The following SAE1 variants were observed in gnomAD, a reference collection of about 807,000 sequenced individuals.
SAE1 encodes SUMO1 activating enzyme subunit 1.
SAE1 carries 11 observed loss-of-function variants against 40.6 expected under a neutral mutation model. The ratio of observed to expected loss-of-function variants is 0.27; its 90% confidence interval spans 0.17 to 0.45. SAE1 has a LOEUF of 0.45. SAE1 is among the 20% of genes least tolerant of loss of function. The probability of loss-of-function intolerance (pLI) is 1.00; values close to 1 mark genes in which losing one functional copy is unlikely to be tolerated. For missense variants in SAE1, 373 were observed against 427.3 expected (o/e 0.87, Z 1.12); for synonymous variants, 155 against 154.3 (o/e 1.00, Z -0.03).
intron 8 of SAE1, among the ~76,000 whole-genome samples, chr19:47,204,751 C>T (rs2058677270): frequency 6.6e-6 from 1 of 152,056 alleles, no homozygotes; most frequent in Non-Finnish European, 1.5e-5. Context: ...CCACCTCAGC[C>T]TCCCAAAGTG....
intron 6 of SAE1, among the ~76,000 whole-genome samples, chr19:47,173,154 A>G (rs573768587): frequency 1.3e-4 from 20 of 152,126 alleles, no homozygotes; most frequent in African/African-American, 4.3e-4. Flanking sequence ...ACGCACCACC[A>G]CACCCAGCTA....
At chr19:47,149,860 G>A (rs465547) in intron 2 of SAE1, among the ~76,000 whole-genome samples, 2 of 151,816 alleles carry the variant, frequency 1.3e-5, no homozygotes, top group East Asian at 3.9e-4. Context: ...GGCGGATCAC[G>A]AGGTCAAGAG....
chr19:47,148,678 G>A (rs1003105201), intron 2 of SAE1, among the ~76,000 whole-genome samples: 3 of 149,942 alleles, frequency 2.0e-5, no homozygotes, highest in South Asian at 4.2e-4. Flanking sequence ...GCAGTGGCAC[G>A]ACCTGGGCTC....
intron 5 of SAE1, among the ~76,000 whole-genome samples, chr19:47,168,589 C>T (rs1282650813): frequency 6.6e-6 from 1 of 152,076 alleles, no homozygotes; most frequent in East Asian, 1.9e-4. Context: ...CCACCACACT[C>T]AGCCATAAAT....
intron 5 of SAE1, among the ~76,000 whole-genome samples, chr19:47,167,384 T>G (rs371526649): frequency 6.6e-6 from 1 of 151,458 alleles, no homozygotes; most frequent in Non-Finnish European, 1.5e-5. Flanking sequence ...GGACTGCAGG[T>G]GCCTGCCACC....
intron 5 of SAE1, among the ~76,000 whole-genome samples, chr19:47,156,471 CTG>C (rs1454058508): frequency 7.4e-6 from 1 of 134,950 alleles, no homozygotes; most frequent in Non-Finnish European, 1.8e-5. Flanking sequence ...GAACGAGACT[CTG>C]TCTCCAAAAA....
chr19:47,152,316 C>T (rs1030365501), intron 3 of SAE1, among the ~76,000 whole-genome samples: 1 of 152,208 alleles, frequency 6.6e-6, no homozygotes, highest in African/African-American at 2.4e-5. Context: ...TTGTCTAAGC[C>T]TGAATGGAAG....
rs191119876 is a variant in SAE1 at position 47,192,833 on chromosome 19, C to T, written c.734-4400C>T. Reference sequence around the variant, plus strand: ...GGGGTTACAGGTGTGAGCCACTGCACCTGGCCTCCTTTATTTTATGGGACA... The same window carrying T: ...GGGGTTACAGGTGTGAGCCACTGCATCTGGCCTCCTTTATTTTATGGGACA... On this transcript the variant is annotated intron_variant, in intron 6 of 8. Coordinates refer to ENST00000270225, the MANE Select transcript of SAE1 (RefSeq NM_005500.3). 4.7e-3 allele frequency among the ~76,000 whole-genome samples: 720 copies of T among 152,246 alleles called. 4 individuals carry two copies. The highest frequency in any genetic ancestry group is 8.1e-3 in the Non-Finnish European group (553 of 68,022).
At chr19:47,154,480 C>CCTTT (rs2058307612) in intron 4 of SAE1, among the ~76,000 whole-genome samples, 2 of 51,576 alleles carry the variant, frequency 3.9e-5, no homozygotes, top group African/African-American at 1.7e-4. Context: ...TTAAGTTTGG[C>CCTTT]TTTTTTTTTT....
chr19:47,137,026 GAC>G (rs1469351565), intron 1 of SAE1, among the ~76,000 whole-genome samples: 2 of 152,132 alleles, frequency 1.3e-5, no homozygotes, highest in African/African-American at 2.4e-5. Context: ...CATTTTATAA[GAC>G]AGTTATCCTA....
chr19:47,157,224 A>C (rs544020394), intron 5 of SAE1, among the ~76,000 whole-genome samples: 2 of 152,190 alleles, frequency 1.3e-5, no homozygotes, highest in East Asian at 3.8e-4. Flanking sequence ...TTTAGTGTCT[A>C]TTCACAGAAC....
intron 6 of SAE1, among the ~76,000 whole-genome samples, chr19:47,191,894 A>C (rs2058580493): frequency 6.6e-6 from 1 of 151,912 alleles, no homozygotes; most frequent in African/African-American, 2.4e-5. Context: ...TCTATACTAA[A>C]AATACAAAAA....
chr19:47,177,811 G>A (rs998273558), intron 6 of SAE1, among the ~76,000 whole-genome samples: 5 of 152,096 alleles, frequency 3.3e-5, no homozygotes, highest in African/African-American at 9.7e-5. Flanking sequence ...TGTATTTCTC[G>A]GAACAGGTAT....
chr19:47,145,645 A>G (rs983444742), intron 2 of SAE1, among the ~76,000 whole-genome samples: 10 of 151,962 alleles, frequency 6.6e-5, no homozygotes, highest in Admixed American at 6.6e-4. Context: ...CAGTGACACA[A>G]CCTCAGCTCA....
At chr19:47,136,911 A>T (rs2058183936) in intron 1 of SAE1, among the ~76,000 whole-genome samples, 1 of 152,096 alleles carries the variant, frequency 6.6e-6, no homozygotes, top group East Asian at 1.9e-4. Flanking sequence ...TCTAGGTGGG[A>T]TAGGAGGGTT....
Position 47,139,681 on chromosome 19 carries a change from C to T in SAE1, c.99-3813C>T, listed in dbSNP as rs374091224. 2.5e-4 allele frequency among the ~76,000 whole-genome samples: 38 copies of T among 149,398 alleles called. No homozygotes were observed. The South Asian group carries it at 5.9e-3, about 23-fold the overall frequency. On this transcript the variant is annotated intron_variant, in intron 1 of 8. Transcript: ENST00000270225. ...TCGGCTCACTGCAAGCTACACCTTC[C>T]GGGTTCACACCATTCTCCTGTCTCA...
chr19:47,204,770 A>G (rs1239368226), intron 8 of SAE1, among the ~76,000 whole-genome samples: 1 of 152,056 alleles, frequency 6.6e-6, no homozygotes, highest in Non-Finnish European at 1.5e-5. Flanking sequence ...TGCTGGGATT[A>G]TAGGTGTGAG....
chr19:47,192,416 T>G (rs2058584783), intron 6 of SAE1, among the ~76,000 whole-genome samples: 1 of 151,830 alleles, frequency 6.6e-6, no homozygotes, highest in Non-Finnish European at 1.5e-5. Flanking sequence ...GCCCAGCTAA[T>G]TTTTGTATTT....
intron 6 of SAE1, among the ~76,000 whole-genome samples, chr19:47,182,801 G>A (rs1943756469): frequency 6.6e-6 from 1 of 152,210 alleles, no homozygotes; most frequent in South Asian, 2.1e-4. Flanking sequence ...ACTGGTTACA[G>A]GCGGGGTGTG....
Sources: gnomAD v4.1 joint callset for allele counts (sites outside exome capture counted in the v4.1 genomes callset) on GRCh38, gnomAD v4.1.1 for gene constraint, MANE v1.5 for transcripts, NCBI Gene and HGNC (gene_info 2026-07-23, HGNC 2026-07-21) for gene names.